Variants in KIF1B observed in about 807,000 individuals in gnomAD.
KIF1B encodes kinesin-like protein KIF1B.
A neutral mutation model predicts 241.9 loss-of-function variants in KIF1B; 76 were observed. That is an observed-to-expected ratio of 0.31 (90% confidence interval 0.26 to 0.38). The LOEUF is 0.38. Ranked by LOEUF, KIF1B falls within the 10% of genes least tolerant of loss-of-function variation. KIF1B has a pLI of 1.00. For synonymous variants in KIF1B, 750 were observed against 796.7 expected (o/e 0.94, Z 0.99); for missense variants, 1,622 against 2,271.4 (o/e 0.71, Z 5.81).
In KIF1B at chr1:10,345,907, G is replaced by A; in HGVS notation, c.3751G>A (p.Asp1251Asn). The A allele has an allele frequency of 6.2e-7, 1 of 1,614,150 alleles. No homozygotes were observed. Among genetic ancestry groups the A allele is most frequent in the Non-Finnish European group, 8.5e-7 (1 of 1,179,984 alleles). ...CCTTGGCCAGAGCATGAGCAAGTAT[G>A]ACCTCCTGGTTTGGTTTGAGATCAG... ...TSLGQSMSKY[D>N]LLVWFEISEL... Residue 1251 changes from aspartate (D) to asparagine (N), a missense_variant, in exon 35 of 49, where the codon GAC becomes AAC. Around this residue, in one of 7 missense-constraint regions of KIF1B, gnomAD observed 803 missense variants for 1,112.0 expected, o/e 0.72. Coordinates refer to ENST00000676179, the MANE Select transcript of KIF1B (RefSeq NM_001365951.3).
intron 2 of KIF1B, among the ~76,000 whole-genome samples, chr1:10,243,884 A>T (rs11582123): frequency 0.32 from 48,599 of 152,082 alleles, 7,888 homozygotes; most frequent in Middle Eastern, 0.37. Flanking sequence ...CATTTTAGGT[A>T]GAGTGAAATC....
intron 16 of KIF1B, 97 bp downstream of exon 16, chr1:10,291,258 G>A: frequency 1.1e-6 from 1 of 918,238 alleles, no homozygotes; most frequent in Non-Finnish European, 1.7e-6. Flanking sequence ...AAATCAAAGA[G>A]TCTGCCCTTC....
intron 33 of KIF1B, 148 bp downstream of exon 33, chr1:10,342,316 C>T (rs904865748): frequency 2.6e-5 from 18 of 688,048 alleles, no homozygotes; most frequent in Admixed American, 4.4e-5. Flanking sequence ...ACTTCACTAT[C>T]ATCTTATAGC....
rs561914035 is a variant in KIF1B at position 10,271,416 on chromosome 1, C to T, written c.721-86C>T. 1.8e-5 allele frequency: 18 copies of T among 981,788 alleles called. 2 individuals are homozygous for T. The African/African-American group carries it at 2.1e-4, about 11-fold the overall frequency. The allele number at this position is 981,788 out of a possible 1,614,324, so 60.8% of individuals were successfully genotyped here. On this transcript the variant is annotated intron_variant, in intron 7 of 48. Transcript: ENST00000676179. ...CTTTTAGTTTTTTCCATACCTTAAT[C>T]TTTTAAAAAGCATTCTGCCTCTAAA... is the stretch of plus-strand genomic sequence containing the variant.
intron 4 of KIF1B, among the ~76,000 whole-genome samples, chr1:10,259,760 A>G (rs1293295353): frequency 6.6e-6 from 1 of 151,860 alleles, no homozygotes; most frequent in Non-Finnish European, 1.5e-5. Context: ...TCCGCCTCCC[A>G]AAGTGCAGGG....
At position 10,361,948 on chromosome 1, in the gene KIF1B, C is replaced by G. The variant is rs976746304; in HGVS notation, c.4304+123C>G. 3.6e-6 allele frequency: 4 copies of G among 1,120,334 alleles called. No homozygotes were observed. The Admixed American group carries it at 6.9e-5, about 19-fold the overall frequency. The allele number at this position is 1,120,334 out of a possible 1,614,324, so 69.4% of individuals were successfully genotyped here. A position where few individuals can be genotyped will look rare whatever the true frequency, so the allele number is the denominator to read the frequency against. On this transcript the variant is annotated intron_variant, in intron 40 of 48. Transcript: ENST00000676179. ...TACAGTTTATGAACCATTTTGGTAA[C>G]TGACACCTGGAATGTACTGACTTGC...
intron 8 of KIF1B, 64 bp from the exon 9 acceptor site, chr1:10,272,177 T>A: frequency 4.0e-6 from 4 of 1,001,528 alleles, no homozygotes. Context: ...ATATTTTATG[T>A]TCTGTATGAT....
intron 17 of KIF1B, chr1:10,292,324 A>G (rs1326532902): frequency 1.8e-6 from 1 of 560,280 alleles, no homozygotes; most frequent in Non-Finnish European, 3.2e-6. Flanking sequence ...TATCTTGTTT[A>G]CTGTTTACAA....
At position 10,276,452 on chromosome 1, in the gene KIF1B, AT is replaced by A. The variant is rs1649113206; in HGVS notation, c.1037+57del. 6 of 1,205,070 alleles carry A rather than the reference AT, an allele frequency of 5.0e-6. No individual in the cohort carries two copies. The Admixed American group carries it at 8.9e-5, about 18-fold the overall frequency. The allele number at this position is 1,205,070 out of a possible 1,614,324, so 74.6% of individuals were successfully genotyped here. A position where few individuals can be genotyped will look rare whatever the true frequency, so the allele number is the denominator to read the frequency against. On this transcript the variant is annotated intron_variant, in intron 12 of 48. Transcript: ENST00000676179. Reference sequence around the variant, plus strand: ...ATAGACCACATTGCCATCAGAAGCCATTTTGTGATACCATGGATGTTTTTAT... The same window carrying A: ...ATAGACCACATTGCCATCAGAAGCCATTTGTGATACCATGGATGTTTTTAT...
Position 10,295,156 on chromosome 1 carries a change from G to T in KIF1B, c.1661G>T (p.Gly554Val), listed in dbSNP as rs1429138518. ...SECLLYYIKD[G>V]ITRVGQADAE... Reference sequence around the variant, plus strand: ...TGCCTACTTTATTACATCAAAGATGGAATTACAAGGTATATTTATTTCCTG... The same window carrying T: ...TGCCTACTTTATTACATCAAAGATGTAATTACAAGGTATATTTATTTCCTG... The change falls in exon 18 of 49, where the codon GGA (glycine) becomes GTA (valine). Residue 554 changes from glycine (G) to valine (V), a missense_variant. Gly to Val is a moderately radical substitution (Grantham distance 109, BLOSUM62 -3). Transcript: ENST00000676179. 1 of 1,572,546 alleles carries T rather than the reference G, an allele frequency of 6.4e-7. No individual in the cohort carries two copies. The highest frequency in any genetic ancestry group is 8.8e-7 in the Non-Finnish European group (1 of 1,142,088).
chr1:10,284,541 C>T (rs2102236693), intron 15 of KIF1B, among the ~76,000 whole-genome samples: 1 of 152,196 alleles, frequency 6.6e-6, no homozygotes. Flanking sequence ...AGAAAATTAG[C>T]CAAGCATGGT....
intron 43 of KIF1B, among the ~76,000 whole-genome samples, chr1:10,367,176 A>G (rs1638599165): frequency 6.6e-6 from 1 of 150,936 alleles, no homozygotes; most frequent in African/African-American, 2.4e-5. Context: ...GCTCACTGCA[A>G]CCTCCACTTC....
chr1:10,356,851 G>T (rs534859609), intron 38 of KIF1B, among the ~76,000 whole-genome samples: 2 of 152,074 alleles, frequency 1.3e-5, no homozygotes, highest in African/African-American at 4.8e-5. Context: ...AGTGAGCCAA[G>T]ATCGTGCCAC....
intron 22 of KIF1B, among the ~76,000 whole-genome samples, chr1:10,317,252 A>C (rs1320021463): frequency 6.6e-6 from 1 of 151,484 alleles, no homozygotes; most frequent in East Asian, 1.9e-4. Context: ...TTCTTTCAGT[A>C]TCACCATGGA....
intron 12 of KIF1B, 83 bp from the exon 13 acceptor site, chr1:10,277,903 T>C: frequency 8.1e-7 from 1 of 1,235,524 alleles, no homozygotes; most frequent in South Asian, 1.3e-5. Flanking sequence ...CTCAGGATAT[T>C]TGATTTAGAG....
chr1:10,307,001 A>C, intron 22 of KIF1B: 2 of 1,041,764 alleles, frequency 1.9e-6, no homozygotes, highest in Non-Finnish European at 2.3e-6. Context: ...TGTGGTAAGG[A>C]CTATGTCCAC....
intron 15 of KIF1B, among the ~76,000 whole-genome samples, chr1:10,285,157 C>T (rs1311263228): frequency 1.3e-5 from 2 of 152,176 alleles, no homozygotes; most frequent in Non-Finnish European, 2.9e-5. Context: ...AAATAGGGAG[C>T]TCCTTGGGAA....
intron 2 of KIF1B, among the ~76,000 whole-genome samples, chr1:10,240,294 T>C (rs924558225): frequency 1.3e-5 from 2 of 151,978 alleles, no homozygotes; most frequent in African/African-American, 4.8e-5. Context: ...CTGCAACCTC[T>C]GCCTCCCAGG....
At chr1:10,308,281 T>C (rs1328290226) in intron 22 of KIF1B, 1 of 1,059,946 alleles carries the variant, frequency 9.4e-7, no homozygotes, top group African/African-American at 1.6e-5. Context: ...AGAGCCAAAA[T>C]TGTGATGAGC....
Sources: gnomAD v4.1 joint callset for allele counts (sites outside exome capture counted in the v4.1 genomes callset) on GRCh38, gnomAD v4.1.1 for gene constraint, gnomAD v4.1.1 regional missense constraint, MANE v1.5 for transcripts, NCBI Gene and HGNC (gene_info 2026-07-23, HGNC 2026-07-21) for gene names.